Variants in ZNF568 observed in about 807,000 individuals in gnomAD.
ZNF568 encodes the protein p53 inhibitor of SCO2 activation.
A neutral mutation model predicts 18.1 loss-of-function variants in ZNF568; 11 were observed. The observed-to-expected ratio is 0.61, with a 90% confidence interval of 0.38 to 1.00. The LOEUF is 1.00. Among genes scored for constraint, ZNF568 ranks in the 50% least tolerant of loss-of-function variants. The probability of loss-of-function intolerance (pLI) is 0.01; values close to 1 mark genes in which losing one functional copy is unlikely to be tolerated. For missense variants in ZNF568, 639 were observed against 768.2 expected (o/e 0.83, Z 1.99); for synonymous variants, 213 against 246.6 (o/e 0.86, Z 1.28).
At chr19:36,937,049 C>T in intron 5 of ZNF568, 98 bp from the exon 6 acceptor site, 1 of 1,392,872 alleles carries the variant, frequency 7.2e-7, no homozygotes. Flanking sequence ...GTTCATTCAT[C>T]CTCATCTTTT....
chr19:36,955,746 A>G (rs2074102854), downstream of ZNF568, among the ~76,000 whole-genome samples: 1 of 152,346 alleles, frequency 6.6e-6, no homozygotes, highest in African/African-American at 2.4e-5. Context: ...GGCTTGGACT[A>G]GACACAGCAG....
In ZNF568 at chr19:36,950,885, A is replaced by G. The variant is rs1307671034; in HGVS notation, c.1732A>G (p.Arg578Gly). 6.2e-7 allele frequency: 1 copy of G among 1,613,614 alleles called. No homozygotes were observed. ...AATCTCATCCCTCACTCTTCATGTG[A>G]GAAGTCACACAGGGGAGAAACCCTA... ...SRISSLTLHV[R>G]SHTGEKPYEC... is the part of the protein sequence containing the mutation. The change falls in exon 7 of 7, where the codon AGA becomes GGA. Residue 578 changes from arginine to glycine, a missense_variant. Coordinates refer to ENST00000333987, the MANE Select transcript of ZNF568 (RefSeq NM_198539.4).
At chr19:36,958,465 T>C (rs1040807759) in intron 6 of ZNF568, among the ~76,000 whole-genome samples, 8 of 152,074 alleles carry the variant, frequency 5.3e-5, no homozygotes, top group African/African-American at 1.9e-4. Context: ...GTTTGGATTG[T>C]CTGTTTATTC....
chr19:36,934,392 T>G (rs1222548534), intron 4 of ZNF568, among the ~76,000 whole-genome samples: 1 of 151,810 alleles, frequency 6.6e-6, no homozygotes. Flanking sequence ...CAGTGCAGCC[T>G]TGATCTCCCA....
chr19:36,996,909 C>T, exon 5 of ZNF568: 2 of 1,536,334 alleles, frequency 1.3e-6, no homozygotes, highest in Non-Finnish European at 1.7e-6. Context: ...CCTTTCCATC[C>T]ACTGCACAGC....
intron 6 of ZNF568, among the ~76,000 whole-genome samples, chr19:36,957,926 T>G (rs931164180): frequency 2.3e-4 from 35 of 152,218 alleles, no homozygotes; most frequent in African/African-American, 8.4e-4. Flanking sequence ...AAGATTGCCT[T>G]ATTGAGTTGA....
downstream of ZNF568, among the ~76,000 whole-genome samples, chr19:36,957,119 T>A (rs1418792859): frequency 6.6e-6 from 1 of 151,488 alleles, no homozygotes; most frequent in African/African-American, 2.4e-5. Flanking sequence ...CATGTAAGAC[T>A]GGGAAACTCC....
At chr19:36,945,875 T>C (rs1478450005) in intron 6 of ZNF568, among the ~76,000 whole-genome samples, 1 of 151,648 alleles carries the variant, frequency 6.6e-6, no homozygotes, top group Non-Finnish European at 1.5e-5. Flanking sequence ...GGGCGGATCA[T>C]GAGGTCAGAA....
chr19:36,992,501 T>C (rs10421398), intron 4 of ZNF568, among the ~76,000 whole-genome samples: 81,098 of 151,536 alleles, frequency 0.54, 22,213 homozygotes, highest in African/African-American at 0.62. Context: ...GACTCCATCT[T>C]GAAAAAAAAA....
At chr19:36,918,296 T>C (rs755199466) in intron 2 of ZNF568, among the ~76,000 whole-genome samples, 27 of 152,148 alleles carry the variant, frequency 1.8e-4, no homozygotes, top group Non-Finnish European at 3.2e-4. Context: ...TCATTTATTC[T>C]ATATACAGTT....
At chr19:36,953,777 G>A (rs981574357), downstream of ZNF568, among the ~76,000 whole-genome samples, 1 of 152,046 alleles carries the variant, frequency 6.6e-6, no homozygotes, top group South Asian at 2.1e-4. Context: ...CCAGGCATGG[G>A]GCGGGTGCCT....
chr19:36,959,997 A>G (rs930163850), intron 6 of ZNF568, among the ~76,000 whole-genome samples: 8 of 150,388 alleles, frequency 5.3e-5, no homozygotes. Context: ...ATTTCATTTA[A>G]TTCTGCTCTG....
At position 36,929,280 on chromosome 19, in the gene ZNF568, T is replaced by C. The variant is rs1005490751; in HGVS notation, c.135+4022T>C. On this transcript the variant is annotated intron_variant, in intron 4 of 6. Coordinates refer to ENST00000333987, the MANE Select transcript of ZNF568 (RefSeq NM_198539.4). ...AAAGCGAGGCATGGTGGCTCACACC[T>C]GTAATCCCAGCATTTTAGGAGGCCA... Among the ~76,000 whole-genome samples, 10 of 152,192 alleles carry C rather than the reference T, an allele frequency of 6.6e-5. 1 individual carries two copies. Among genetic ancestry groups the C allele is most frequent in the Non-Finnish European group, 2.9e-5 (2 of 68,038 alleles).
chr19:36,961,289 TTTA>T (rs58976112), intron 6 of ZNF568, among the ~76,000 whole-genome samples: 29,306 of 149,150 alleles, frequency 0.2, 3,037 homozygotes, highest in African/African-American at 0.27. Flanking sequence ...TTTTTTTTTT[TTTA>T]ACTCTTTTTG....
chr19:36,971,726 A>T (rs1422530840), intron 6 of ZNF568, among the ~76,000 whole-genome samples: 1 of 152,004 alleles, frequency 6.6e-6, no homozygotes, highest in African/African-American at 2.4e-5. Context: ...TTTAGGAGAG[A>T]CGAGGTTTCA....
chr19:36,926,474 T>C (rs956683607), intron 4 of ZNF568, among the ~76,000 whole-genome samples: 1 of 152,170 alleles, frequency 6.6e-6, no homozygotes, highest in Non-Finnish European at 1.5e-5. Flanking sequence ...CAGTGACTTA[T>C]GAAGTGCATG....
chr19:36,929,455 G>A (rs936550703), intron 4 of ZNF568, among the ~76,000 whole-genome samples: 1 of 152,138 alleles, frequency 6.6e-6, no homozygotes, highest in Non-Finnish European at 1.5e-5. Context: ...GGAGGCTGAG[G>A]CGGGTGAATC....
At chr19:36,996,361 A>G in exon 5 of ZNF568, 1 of 1,533,804 alleles carries the variant, frequency 6.5e-7, no homozygotes, top group Non-Finnish European at 8.7e-7. Flanking sequence ...TCCAAAGGAA[A>G]ACATTTATGA....
chr19:36,960,700 C>T (rs2074142287), intron 6 of ZNF568, among the ~76,000 whole-genome samples: 1 of 151,324 alleles, frequency 6.6e-6, no homozygotes, highest in African/African-American at 2.4e-5. Context: ...TGCACTCCAG[C>T]CTGGGCAACA....
Sources: gnomAD v4.1 joint callset for allele counts (sites outside exome capture counted in the v4.1 genomes callset) on GRCh38, gnomAD v4.1.1 for gene constraint, MANE v1.5 for transcripts, NCBI Gene and HGNC (gene_info 2026-07-23, HGNC 2026-07-21) for gene names.